ATRNL1: variants seen among roughly 807,000 people sequenced by gnomAD.
ATRNL1 encodes the protein attractin-like protein 1.
In ATRNL1, 95 loss-of-function variants were observed where a neutral mutation model predicts 182.7. The ratio of observed to expected loss-of-function variants is 0.52; its 90% CI spans 0.44 to 0.62. The LOEUF is 0.62. Ranked by LOEUF, ATRNL1 falls within the 20% of genes least tolerant of loss-of-function variation. The probability of loss-of-function intolerance (pLI) is 0.00; values close to 1 mark genes in which losing one functional copy is unlikely to be tolerated. For missense variants in ATRNL1, 1,471 were observed against 1,679.5 expected (o/e 0.88, Z 2.17); for synonymous variants, 576 against 568.3 (o/e 1.01, Z -0.19).
chr10:115,639,680 TACACAGGGAGATACATTCA>T, intron 26 of ATRNL1, among the ~76,000 whole-genome samples: 1 of 152,248 alleles, frequency 6.6e-6, no homozygotes, highest in Non-Finnish European at 1.5e-5. Context: ...CTATGGAAAC[TACACAGGGAGATACATTCA>T]ACACTATAAA....
At chr10:115,741,323 T>C (rs1180239759) in intron 27 of ATRNL1, among the ~76,000 whole-genome samples, 1 of 152,028 alleles carries the variant, frequency 6.6e-6, no homozygotes, top group Non-Finnish European at 1.5e-5. Context: ...AAAATGTCAG[T>C]AGGCAGAGAT....
In ATRNL1 at chr10:115,584,905, T is replaced by C. The variant is rs1322009967; in HGVS notation, c.3795+35369T>C. Among the ~76,000 whole-genome samples, 5 of 150,600 alleles carry C rather than the reference T, an allele frequency of 3.3e-5. No individual in the cohort carries two copies. In the East Asian group the frequency reaches 1.0e-3, roughly 30 times the overall value. On this transcript the variant is annotated intron_variant, in intron 26 of 28. Transcript: ENST00000355044. Reference sequence around the variant, plus strand: ...GCATTTAGTGCTATAAATTTCCCTCTACACACTGCTTTGAATGCGTCCCAG... The same window carrying C: ...GCATTTAGTGCTATAAATTTCCCTCCACACACTGCTTTGAATGCGTCCCAG...
intron 19 of ATRNL1, among the ~76,000 whole-genome samples, chr10:115,377,968 A>G (rs1374979193): frequency 1.3e-5 from 2 of 152,030 alleles, no homozygotes; most frequent in Non-Finnish European, 2.9e-5. Flanking sequence ...GGCCACATAT[A>G]TGGACTACTG....
chr10:115,246,300 T>C (rs1554904075), intron 10 of ATRNL1, among the ~76,000 whole-genome samples: 5 of 152,154 alleles, frequency 3.3e-5, no homozygotes, highest in African/African-American at 7.2e-5. Flanking sequence ...CTTTTGATAT[T>C]AACACTATAC....
chr10:115,168,016 T>G (rs1460350726), intron 7 of ATRNL1, among the ~76,000 whole-genome samples: 1 of 152,104 alleles, frequency 6.6e-6, no homozygotes, highest in Admixed American at 6.6e-5. Context: ...CCTTAAGCAG[T>G]CACAAAGCTA....
At chr10:115,502,122 A>C (rs1371728655) in intron 24 of ATRNL1, among the ~76,000 whole-genome samples, 2 of 152,172 alleles carry the variant, frequency 1.3e-5, no homozygotes, top group Non-Finnish European at 2.9e-5. Context: ...GATAATGTAT[A>C]CTAAGTTATA....
intron 26 of ATRNL1, among the ~76,000 whole-genome samples, chr10:115,698,726 T>C (rs11197410): frequency 0.46 from 70,123 of 151,214 alleles, 17,054 homozygotes; most frequent in East Asian, 0.79. Context: ...TGCAGTGAGC[T>C]GAGATGGTAC....
chr10:115,861,921 T>G (rs1951325702), intron 28 of ATRNL1, among the ~76,000 whole-genome samples: 1 of 151,976 alleles, frequency 6.6e-6, no homozygotes, highest in South Asian at 2.1e-4. Flanking sequence ...CCAGGCAACA[T>G]AGTGAGACCC....
chr10:115,127,905 G>A (rs1845045138), intron 4 of ATRNL1, among the ~76,000 whole-genome samples, 184 bp downstream of exon 4: 1 of 152,080 alleles, frequency 6.6e-6, no homozygotes, highest in Non-Finnish European at 1.5e-5. Context: ...CACAAAACGT[G>A]ATCTAAACCT....
chr10:115,679,899 T>G (rs1440078817), intron 26 of ATRNL1, among the ~76,000 whole-genome samples: 1 of 152,152 alleles, frequency 6.6e-6, no homozygotes, highest in African/African-American at 2.4e-5. Context: ...CTTAATACCC[T>G]GTTAAAAGTA....
intron 26 of ATRNL1, among the ~76,000 whole-genome samples, chr10:115,676,789 A>T (rs371850547): frequency 6.6e-6 from 1 of 152,046 alleles, no homozygotes; most frequent in South Asian, 2.1e-4. Flanking sequence ...CAGGAAAAGG[A>T]TAAACAAGCA....
At chr10:115,791,918 C>A (rs1949540915) in intron 27 of ATRNL1, among the ~76,000 whole-genome samples, 1 of 152,136 alleles carries the variant, frequency 6.6e-6, no homozygotes, top group Non-Finnish European at 1.5e-5. Flanking sequence ...TATAGAGTTT[C>A]TGCTATTTGT....
At chr10:115,746,851 C>CT (rs1187563169) in intron 27 of ATRNL1, among the ~76,000 whole-genome samples, 4 of 152,082 alleles carry the variant, frequency 2.6e-5, no homozygotes, top group Non-Finnish European at 5.9e-5. Context: ...TGTTAGGGGT[C>CT]ACCTATAACA....
At chr10:115,854,008 G>C (rs1314240431) in intron 28 of ATRNL1, among the ~76,000 whole-genome samples, 1 of 152,180 alleles carries the variant, frequency 6.6e-6, no homozygotes, top group East Asian at 1.9e-4. Flanking sequence ...ACGTGTAAAA[G>C]TGTCTATTAT....
At chr10:115,282,092 G>T (rs1477420960) in intron 14 of ATRNL1, among the ~76,000 whole-genome samples, 2 of 139,400 alleles carry the variant, frequency 1.4e-5, no homozygotes, top group African/African-American at 5.3e-5. Context: ...TATATATCTA[G>T]TAATTTTAAC....
intron 26 of ATRNL1, among the ~76,000 whole-genome samples, chr10:115,693,103 G>A (rs1228872739): frequency 6.6e-6 from 1 of 152,068 alleles, no homozygotes; most frequent in Admixed American, 6.5e-5. Flanking sequence ...ATGTTTATAT[G>A]TAACAGAATA....
intron 26 of ATRNL1, among the ~76,000 whole-genome samples, chr10:115,635,018 A>G (rs183973709): frequency 7.9e-5 from 12 of 152,146 alleles, no homozygotes; most frequent in Admixed American, 6.5e-4. Flanking sequence ...TCTCTAAAAG[A>G]TGTTATAAAT....
At chr10:115,188,783 A>T (rs1227717980) in intron 8 of ATRNL1, among the ~76,000 whole-genome samples, 1 of 152,074 alleles carries the variant, frequency 6.6e-6, no homozygotes, top group Non-Finnish European at 1.5e-5. Context: ...TTGGACATTG[A>T]TTTTTAGCAC....
intron 26 of ATRNL1, among the ~76,000 whole-genome samples, chr10:115,550,768 A>G (rs888479505): frequency 6.6e-6 from 1 of 151,836 alleles, no homozygotes; most frequent in African/African-American, 2.4e-5. Flanking sequence ...CAGTAAAATT[A>G]TAGATTCAGG....
Sources: allele counts gnomAD v4.1 joint callset (sites outside exome capture counted in the v4.1 genomes callset), GRCh38; gene constraint gnomAD v4.1.1; transcripts MANE v1.5; gene names NCBI Gene and HGNC (gene_info 2026-07-23, HGNC 2026-07-21).